DPPA4: variants seen among roughly 807,000 people sequenced by gnomAD.
DPPA4 encodes developmental pluripotency-associated protein 4.
A neutral mutation model predicts 33.7 loss-of-function variants in DPPA4; 22 were observed. That is an observed-to-expected ratio of 0.65 (90% CI 0.47 to 0.93). The LOEUF (loss-of-function observed/expected upper bound fraction) is 0.93, where lower values mean the gene tolerates loss of function less well. Ranked by LOEUF, DPPA4 falls within the 40% of genes least tolerant of loss-of-function variation. The probability of loss-of-function intolerance (pLI) is 0.00; values close to 1 mark genes in which losing one functional copy is unlikely to be tolerated. For missense variants in DPPA4, 340 were observed against 358.6 expected (o/e 0.95, Z 0.42); for synonymous variants, 156 against 132.3 (o/e 1.18, Z -1.23).
intron 5 of DPPA4, 81 bp downstream of exon 5, chr3:109,330,443 A>G (rs1372665211): frequency 6.5e-7 from 1 of 1,533,226 alleles, no homozygotes; most frequent in East Asian, 2.2e-5. Flanking sequence ...ATTTTGATAT[A>G]CCCTAAAATG....
In DPPA4 at chr3:109,331,982, C is replaced by T. The variant is rs1383613891; in HGVS notation, c.228G>A (p.Gln76=). Reference sequence around the variant, plus strand: ...GTAATGGAGGGATTGGTATCTTCTTCTGAGGTCTGGGGTTGTCAGTGTGCT... The same window carrying T: ...GTAATGGAGGGATTGGTATCTTCTTTTGAGGTCTGGGGTTGTCAGTGTGCT... ...KAEHTDNPRP[Q]KKIPIPPLPS... is the part of the protein sequence containing the mutation. The change falls in exon 3 of 7, where the codon CAG becomes CAA. Residue 76 remains glutamine (Q), a synonymous_variant. Transcript: ENST00000335658. 1.3e-5 allele frequency: 21 copies of T among 1,613,972 alleles called. No individual in the cohort carries two copies. The Admixed American group carries it at 2.0e-4, about 15-fold the overall frequency.
intron 5 of DPPA4, 77 bp from the exon 6 acceptor site, chr3:109,329,165 T>G: frequency 7.8e-7 from 1 of 1,286,354 alleles, no homozygotes; most frequent in Non-Finnish European, 1.1e-6. Flanking sequence ...TTATGGCCCA[T>G]CACCCTTGAT....
At chr3:109,330,968 A>G (rs1488598480) in intron 4 of DPPA4, among the ~76,000 whole-genome samples, 156 bp from the exon 5 acceptor site, 1 of 152,182 alleles carries the variant, frequency 6.6e-6, no homozygotes, top group Non-Finnish European at 1.5e-5. Flanking sequence ...GTTAATAACA[A>G]TGTACTGTCT....
intron 1 of DPPA4, chr3:109,336,199 C>T (rs962704751): frequency 3.3e-5 from 5 of 151,874 alleles, no homozygotes; most frequent in African/African-American, 1.2e-4. Flanking sequence ...AAATCCTTTT[C>T]TTCACTTTCA....
At chr3:109,337,351 A>T in intron 1 of DPPA4, 113 bp downstream of exon 1, 2 of 890,510 alleles carry the variant, frequency 2.2e-6, no homozygotes, top group Non-Finnish European at 3.6e-6. Flanking sequence ...AAAAGTCAAG[A>T]GGAGAAAATT....
At chr3:109,336,644 T>C (rs1199008767) in intron 1 of DPPA4, among the ~76,000 whole-genome samples, 2 of 152,194 alleles carry the variant, frequency 1.3e-5, no homozygotes, top group African/African-American at 2.4e-5. Context: ...TAACACCCTT[T>C]TCTCCTGTTA....
rs1413369150 is a variant in DPPA4, at chr3:109,331,801, C to T, written c.340-17G>A. 6.2e-7 allele frequency: 1 copy of T among 1,613,590 alleles called. No homozygotes were observed. The highest frequency in any genetic ancestry group is 2.2e-5 in the East Asian group (1 of 44,858). On this transcript the variant is annotated splice_polypyrimidine_tract_variant and intron_variant, in intron 3 of 6. Coordinates refer to ENST00000335658, the MANE Select transcript of DPPA4 (RefSeq NM_018189.4). ...ATCCAATTTCTAAGACAATAGAAAA[C>T]TGAGTTAGTAAGGCAAATAAGGTTC...
chr3:109,337,555 CAA>C (rs1708240739), upstream of DPPA4: 1 of 1,604,658 alleles, frequency 6.2e-7, no homozygotes, highest in Non-Finnish European at 8.5e-7. Context: ...TTGCTATTTG[CAA>C]AGTCTCCTCC....
At chr3:109,332,577 T>C (rs1355981600) in intron 2 of DPPA4, among the ~76,000 whole-genome samples, 1 of 152,068 alleles carries the variant, frequency 6.6e-6, no homozygotes, top group African/African-American at 2.4e-5. Flanking sequence ...CCCAGGGGAA[T>C]TACCGCTGTC....
chr3:109,338,926 T>C (rs1015329334), upstream of DPPA4, among the ~76,000 whole-genome samples: 1 of 152,128 alleles, frequency 6.6e-6, no homozygotes, highest in African/African-American at 2.4e-5. Flanking sequence ...GCATGGTGGC[T>C]CACGCCTGTA....
intron 5 of DPPA4, chr3:109,329,296 G>A (rs1022370435): frequency 3.8e-6 from 2 of 530,248 alleles, no homozygotes; most frequent in African/African-American, 1.9e-5. Context: ...AGCACTTTGG[G>A]AGGCCGAGGC....
chr3:109,331,666 T>C, intron 4 of DPPA4, 68 bp downstream of exon 4: 1 of 1,465,734 alleles, frequency 6.8e-7, no homozygotes, highest in Admixed American at 1.7e-5. Context: ...ACAGTTCCTT[T>C]ACTCACTTTT....
In DPPA4 at chr3:109,337,502, C is replaced by T. The variant is rs375057383; in HGVS notation, c.16G>A (p.Ala6Thr). The change falls in exon 1 of 7, where the codon GCT becomes ACT. Residue 6 changes from alanine (A) to threonine (T), a missense_variant. This residue lies in a region of DPPA4 where 96 missense variants were observed against 91.8 expected (regional missense o/e 1.05). Transcript: ENST00000335658. MLRGS[A>T]SSTSMEKAKG... ...GCCTTCTCCATACTTGTAGAAGAAG[C>T]GGAGCCTCGCAACATGCTTCCAAAA... The T allele has an allele frequency of 1.2e-6, 2 of 1,614,108 alleles. No individual in the cohort carries two copies. Among genetic ancestry groups the T allele is most frequent in the Non-Finnish European group, 1.7e-6 (2 of 1,180,022 alleles).
intron 1 of DPPA4, among the ~76,000 whole-genome samples, chr3:109,334,883 T>C (rs1425489095): frequency 6.6e-6 from 1 of 152,202 alleles, no homozygotes; most frequent in Non-Finnish European, 1.5e-5. Context: ...ACTCTTCTTT[T>C]AAAAGTCTCA....
intron 1 of DPPA4, chr3:109,336,461 A>T (rs1708215656): frequency 1.3e-5 from 2 of 152,080 alleles, no homozygotes; most frequent in African/African-American, 2.4e-5. Flanking sequence ...TTCTGTCTGC[A>T]TTGTTCCCAA....
upstream of DPPA4, among the ~76,000 whole-genome samples, chr3:109,339,451 T>G (rs1181515746): frequency 6.6e-6 from 1 of 151,990 alleles, no homozygotes; most frequent in African/African-American, 2.4e-5. Flanking sequence ...GAGAAAACAG[T>G]GGCTGGCACA....
chr3:109,331,848 C>G (rs778079833), intron 3 of DPPA4, 23 bp downstream of exon 3: 6 of 1,613,404 alleles, frequency 3.7e-6, no homozygotes, highest in African/African-American at 2.7e-5. Flanking sequence ...CCCAGCAGCA[C>G]CGTCCCCAGC....
intron 2 of DPPA4, among the ~76,000 whole-genome samples, chr3:109,332,705 G>C (rs1045154716): frequency 6.6e-6 from 1 of 152,148 alleles, no homozygotes; most frequent in Non-Finnish European, 1.5e-5. Context: ...CTAGGTCAGG[G>C]AAGCACTCTG....
At chr3:109,330,834 A>C in intron 4 of DPPA4, 22 bp from the exon 5 acceptor site, 1 of 1,564,010 alleles carries the variant, frequency 6.4e-7, no homozygotes, top group Non-Finnish European at 8.6e-7. Flanking sequence ...GTTAAATAAT[A>C]AAGATAAAAA....
Sources: allele counts gnomAD v4.1 joint callset (sites outside exome capture counted in the v4.1 genomes callset), GRCh38; gene constraint gnomAD v4.1.1; regional missense constraint gnomAD v4.1.1; transcripts MANE v1.5; gene names NCBI Gene and HGNC (gene_info 2026-07-23, HGNC 2026-07-21).